Variants in AIRIM observed in about 807,000 individuals in gnomAD.
AIRIM encodes the protein AFG2 interacting ribosome maturation factor.
At chr1:37,683,403 G>A in the AIRIM span, 2 of 1,614,000 alleles carry the variant, frequency 1.2e-6, no homozygotes, top group East Asian at 2.2e-5. Context: ...TCTCCCCACT[G>A]GATAGACGAA....
the AIRIM span, chr1:37,683,101 T>C: frequency 4.4e-6 from 7 of 1,608,982 alleles, no homozygotes; most frequent in Non-Finnish European, 5.1e-6. Flanking sequence ...GTACCCGTGG[T>C]CTCCAGATAC....
the AIRIM span, chr1:37,686,450 GCT>G: frequency 6.2e-7 from 1 of 1,612,112 alleles, no homozygotes; most frequent in Non-Finnish European, 8.5e-7. Context: ...GAGGAGGATG[GCT>G]CTGCAAGAAA....
the AIRIM span, among the ~76,000 whole-genome samples, chr1:37,690,743 G>A: frequency 3.3e-5 from 5 of 152,204 alleles, no homozygotes; most frequent in South Asian, 1.0e-3. Flanking sequence ...ATTGGGTGGC[G>A]GTGGTGGCAT....
the AIRIM span, among the ~76,000 whole-genome samples, chr1:37,691,777 A>G: frequency 6.6e-6 from 1 of 152,182 alleles, no homozygotes; most frequent in Non-Finnish European, 1.5e-5. Flanking sequence ...GCCAAGCGCC[A>G]CTACTTGCAC....
chr1:37,690,116 A>T, the AIRIM span: 2 of 1,278,080 alleles, frequency 1.6e-6, no homozygotes, highest in Non-Finnish European at 2.1e-6. Flanking sequence ...TCCCGGGTTC[A>T]AGCAATTCTC....
chr1:37,690,166 G>A, the AIRIM span: 1 of 1,164,004 alleles, frequency 8.6e-7, no homozygotes. Context: ...ACAGGTGCCC[G>A]CCAACACGCC....
chr1:37,683,432 A>G, the AIRIM span: 1 of 1,613,656 alleles, frequency 6.2e-7, no homozygotes, highest in Admixed American at 1.7e-5. Context: ...CTTTCTCTTC[A>G]GGTACCTTTC....
chr1:37,683,379 G>T, the AIRIM span: 17 of 1,613,732 alleles, frequency 1.1e-5, no homozygotes, highest in Non-Finnish European at 1.4e-5. Flanking sequence ...GGCAAAGCTT[G>T]TATGTTTGCC....
the AIRIM span, chr1:37,689,577 C>T: frequency 3.2e-6 from 5 of 1,541,830 alleles, no homozygotes; most frequent in Admixed American, 1.0e-4. Flanking sequence ...AATCCTTCCA[C>T]CAAGAAACAG....
At chr1:37,687,242 C>T in the AIRIM span, among the ~76,000 whole-genome samples, 2 of 151,888 alleles carry the variant, frequency 1.3e-5, no homozygotes. Context: ...ATTCTCCTGC[C>T]TCAGCCTCCT....
At chr1:37,683,089 T>C in the AIRIM span, 5 of 1,598,360 alleles carry the variant, frequency 3.1e-6, no homozygotes, top group East Asian at 2.2e-5. Flanking sequence ...TCTTCAACTG[T>C]GGTACCCGTG....
chr1:37,691,325 A>C, the AIRIM span: 2 of 152,234 alleles, frequency 1.3e-5, no homozygotes, highest in African/African-American at 4.8e-5. Flanking sequence ...ATTGTTCCTC[A>C]ACTCAGAGGG....
chr1:37,685,781 T>TCTAG, the AIRIM span, among the ~76,000 whole-genome samples: 1 of 152,194 alleles, frequency 6.6e-6, no homozygotes, highest in African/African-American at 2.4e-5. Flanking sequence ...CATGCTCCAG[T>TCTAG]CTAGCCTCCT....
the AIRIM span, among the ~76,000 whole-genome samples, chr1:37,684,997 CA>C: frequency 6.7e-6 from 1 of 149,728 alleles, no homozygotes; most frequent in Non-Finnish European, 1.5e-5. Context: ...ATCTCCTAGG[CA>C]AAAAAAAAAT....
At chr1:37,692,192 A>G in the AIRIM span, 9 of 169,576 alleles carry the variant, frequency 5.3e-5, no homozygotes, top group South Asian at 9.9e-4. Context: ...AGCCGACCTG[A>G]CCTAGTAGGC....
the AIRIM span, chr1:37,690,283 C>T: frequency 3.7e-4 from 478 of 1,292,088 alleles, 4 homozygotes; most frequent in South Asian, 5.5e-3. Flanking sequence ...CCGCGCCCGG[C>T]CTGCCTCAGC....
the AIRIM span, chr1:37,683,019 C>CT: frequency 7.9e-7 from 1 of 1,259,600 alleles, no homozygotes; most frequent in Non-Finnish European, 1.1e-6. Flanking sequence ...ACTGATGTTT[C>CT]AAATATGTCA....
the AIRIM span, among the ~76,000 whole-genome samples, chr1:37,687,448 T>TC: frequency 6.8e-6 from 1 of 146,134 alleles, no homozygotes; most frequent in Non-Finnish European, 1.5e-5. Flanking sequence ...TATTTTTTTT[T>TC]AATTAAAACA....
At chr1:37,681,822 G>A in the AIRIM span, 1 of 152,170 alleles carries the variant, frequency 6.6e-6, no homozygotes, top group Non-Finnish European at 1.5e-5. Flanking sequence ...GAATATAACT[G>A]TGTTGAGCTA....
Sources: gnomAD v4.1 joint callset for allele counts (sites outside exome capture counted in the v4.1 genomes callset) on GRCh38, gnomAD v4.1.1 for gene constraint, MANE v1.5 for transcripts, NCBI Gene and HGNC (gene_info 2026-07-23, HGNC 2026-07-21) for gene names.